Variants in SYNE2 observed in about 807,000 individuals in gnomAD.
SYNE2 encodes nesprin-2.
Under a neutral mutation model 856.3 loss-of-function variants are expected in SYNE2, and 431 were observed. The observed-to-expected ratio is 0.50, with a 90% CI of 0.47 to 0.55. SYNE2 has a LOEUF of 0.55. SYNE2 is among the 20% of genes least tolerant of loss of function. SYNE2 has a pLI of 0.00. For missense variants in SYNE2, 8,129 were observed against 8,023.2 expected (o/e 1.01, Z -0.50); for synonymous variants, 2,923 against 2,872.3 (o/e 1.02, Z -0.56).
At chr14:63,883,183 T>C (rs1312776539) in intron 1 of SYNE2, among the ~76,000 whole-genome samples, 1 of 151,980 alleles carries the variant, frequency 6.6e-6, no homozygotes, top group Non-Finnish European at 1.5e-5. Flanking sequence ...CTCAGCCTCC[T>C]GAGTAGCTGG....
intron 99 of SYNE2, among the ~76,000 whole-genome samples, chr14:64,192,065 T>TGTG (rs1482636166): frequency 6.6e-6 from 1 of 152,186 alleles, no homozygotes; most frequent in African/African-American, 2.4e-5. Flanking sequence ...ATGAGAAGAC[T>TGTG]CTTAGGTCGT....
At chr14:64,222,274 TGCAAA>T (rs1224558178) in intron 112 of SYNE2, among the ~76,000 whole-genome samples, 4 of 152,346 alleles carry the variant, frequency 2.6e-5, no homozygotes, top group African/African-American at 7.2e-5. Context: ...CTAAAATGTT[TGCAAA>T]GCAAAGCAGT....
chr14:63,962,487 A>G (rs545403419), intron 9 of SYNE2, among the ~76,000 whole-genome samples: 123 of 152,316 alleles, frequency 8.1e-4, no homozygotes, highest in Non-Finnish European at 1.6e-3. Context: ...AACCCTCACC[A>G]TCATCTAATT....
chr14:64,084,011 A>C (rs1415484249), intron 57 of SYNE2, among the ~76,000 whole-genome samples: 1 of 150,536 alleles, frequency 6.6e-6, no homozygotes, highest in Admixed American at 6.7e-5. Flanking sequence ...CGCAACCTCC[A>C]CCTCCCAGGT....
chr14:63,812,194 C>T (rs1888640662), intron 1 of SYNE2, among the ~76,000 whole-genome samples: 1 of 152,108 alleles, frequency 6.6e-6, no homozygotes, highest in Admixed American at 6.6e-5. Context: ...ATAGACCTCC[C>T]CCCAGGAATG....
intron 94 of SYNE2, among the ~76,000 whole-genome samples, chr14:64,173,373 T>C: frequency 6.6e-6 from 1 of 152,344 alleles, no homozygotes; most frequent in Middle Eastern, 3.4e-3. Flanking sequence ...GTTGGAGAGA[T>C]GCACGTGGAG....
At chr14:63,807,327 A>T (rs745983102) in intron 1 of SYNE2, among the ~76,000 whole-genome samples, 2 of 149,186 alleles carry the variant, frequency 1.3e-5, no homozygotes, top group Non-Finnish European at 3.0e-5. Flanking sequence ...GGATGACAGA[A>T]CAAGACCCTG....
intron 1 of SYNE2, among the ~76,000 whole-genome samples, chr14:63,794,428 G>A (rs1180827945): frequency 1.3e-5 from 2 of 152,076 alleles, no homozygotes; most frequent in Non-Finnish European, 2.9e-5. Context: ...GGCCTCAAAT[G>A]ATCCTCCCGC....
At chr14:64,083,098 T>C (rs1406824786) in intron 57 of SYNE2, among the ~76,000 whole-genome samples, 1 of 152,208 alleles carries the variant, frequency 6.6e-6, no homozygotes, top group Non-Finnish European at 1.5e-5. Flanking sequence ...ATCTTTGGAA[T>C]GGCACAGTGT....
At chr14:63,773,601 A>G (rs1355107691) in intron 1 of SYNE2, among the ~76,000 whole-genome samples, 1 of 152,140 alleles carries the variant, frequency 6.6e-6, no homozygotes, top group African/African-American at 2.4e-5. Context: ...CCCGTGCTAG[A>G]ATATAGTGAT....
intron 1 of SYNE2, among the ~76,000 whole-genome samples, chr14:63,799,674 CAGAG>C (rs1313506166): frequency 1.3e-5 from 2 of 152,142 alleles, no homozygotes; most frequent in African/African-American, 2.4e-5. Context: ...GCCTGGGCGA[CAGAG>C]AGAGACTCTG....
chr14:64,190,767 G>A (rs532656015), intron 99 of SYNE2: 18 of 655,362 alleles, frequency 2.7e-5, no homozygotes, highest in Admixed American at 1.3e-4. Context: ...GGATTTGGGC[G>A]CAGCCCAGTC....
Position 64,107,512 on chromosome 14 carries a change from A to G in SYNE2, c.12514A>G (p.Thr4172Ala), listed in dbSNP as rs748638060. 8 of 1,614,108 alleles carry G rather than the reference A, an allele frequency of 5.0e-6. No homozygotes were observed. Among genetic ancestry groups the G allele is most frequent in the Non-Finnish European group, 6.8e-6 (8 of 1,179,988 alleles). Residue 4172 changes from threonine to alanine, a missense_variant, in exon 65 of 116, where the codon ACC (threonine) becomes GCC (alanine). By Grantham distance (58) the Thr-to-Ala change is moderately conservative. Around this residue, in one of 3 missense-constraint regions of SYNE2, gnomAD observed 5,410 missense variants for 5,284.8 expected, o/e 1.02. Transcript: ENST00000555002. ...IVQEAYGKISTSDNSMAQILT... is the reference protein window; with the variant it reads ...IVQEAYGKISASDNSMAQILT... The stretch of plus-strand genomic sequence containing the variant: ...ACAGGAAGCATATGGGAAAATAAGC[A>G]CCTCTGATAATTCCATGGCACAAAT...
chr14:64,110,163 A>G lies in SYNE2; in HGVS notation c.12609+2556A>G, dbSNP rs144611533. On this transcript the variant is annotated intron_variant, in intron 65 of 115. Transcript: ENST00000555002. ...TAAGCAGTGGGGGAGATATGCAGGT[A>G]TTTGTAGAATTGACTGAAATATTAA... Among the ~76,000 whole-genome samples, 103 of 152,228 alleles carry G rather than the reference A, an allele frequency of 6.8e-4. 1 individual carries two copies. Among genetic ancestry groups the G allele is most frequent in the Non-Finnish European group, 1.1e-3 (76 of 68,022 alleles).
intron 85 of SYNE2, among the ~76,000 whole-genome samples, chr14:64,154,730 G>C (rs890317627): frequency 2.7e-5 from 4 of 148,710 alleles, no homozygotes; most frequent in African/African-American, 1.0e-4. Context: ...GAGGTGGAAG[G>C]AGCAGTAAGG....
Position 63,924,832 on chromosome 14 carries a change from G to GTTTTTTTTTTTTTTTTT in SYNE2, c.79+15606_79+15607insTTTTTTTTTTTTTTTTT, listed in dbSNP as rs1491139905. 4.4e-3 allele frequency among the ~76,000 whole-genome samples: 411 copies of GTTTTTTTTTTTTTTTTT among 92,852 alleles called. 152 individuals are homozygous for GTTTTTTTTTTTTTTTTT. Among genetic ancestry groups the GTTTTTTTTTTTTTTTTT allele is most frequent in the East Asian group, 0.014 (36 of 2,656 alleles). The allele number at this position is 92,852 out of a possible 152,430, so 60.9% of individuals were successfully genotyped here. On this transcript the variant is annotated intron_variant, in intron 2 of 115. Coordinates refer to ENST00000555002, the MANE Select transcript of SYNE2 (RefSeq NM_182914.3). Reference sequence around the variant, plus strand: ...TTTAACTTTTTTCCTTCCAGCCTTGGTGTTTTTTTTTTTTTTTTTTTTTTT... The same window carrying GTTTTTTTTTTTTTTTTT: ...TTTAACTTTTTTCCTTCCAGCCTTGGTTTTTTTTTTTTTTTTTTGTTTTTTTTTTTTTTTTTTTTTTT...
Position 63,950,006 on chromosome 14 carries a change from C to T in SYNE2, c.590C>T (p.Thr197Ile), listed in dbSNP as rs750805378. Residue 197 changes from threonine (T) to isoleucine (I), a missense_variant and splice_region_variant, in exon 7 of 116, where the codon ACC becomes ATC. This residue lies in a region of SYNE2 where 2,422 missense variants were observed against 2,357.4 expected (regional missense o/e 1.03). Coordinates refer to ENST00000555002, the MANE Select transcript of SYNE2 (RefSeq NM_182914.3). ...LLLWAQEQCA[T>I]YESVNVTDFK... is the part of the protein sequence containing the mutation. ...TTGTGGGCTCAGGAACAATGCGCCA[C>T]GTAAGTAGTTTGCTATGACCCTAAG... The T allele has an allele frequency of 2.5e-6, 4 of 1,613,964 alleles. No individual in the cohort carries two copies. The highest frequency in any genetic ancestry group is 1.7e-4 in the Middle Eastern group (1 of 6,026).
chr14:63,967,660 T>C lies in SYNE2; in HGVS notation c.991-49T>C, dbSNP rs1345174033. ...CCTCAAAATAACAGATTATATGATATAAATGGAATTAAACATTTTCAATCT... is the reference window on the plus strand; with the variant it reads ...CCTCAAAATAACAGATTATATGATACAAATGGAATTAAACATTTTCAATCT... On this transcript the variant is annotated intron_variant, in intron 10 of 115. Transcript: ENST00000555002. 2.5e-6 allele frequency: 4 copies of C among 1,577,102 alleles called. No individual in the cohort carries two copies. In the African/African-American group the frequency reaches 5.4e-5, roughly 21 times the overall value.
In SYNE2 at chr14:64,119,470, A is replaced by T; in HGVS notation, c.12884A>T (p.Glu4295Val). 1 of 1,614,230 alleles carries T rather than the reference A, an allele frequency of 6.2e-7. No individual in the cohort carries two copies. Among genetic ancestry groups the T allele is most frequent in the Non-Finnish European group, 8.5e-7 (1 of 1,180,036 alleles). The change falls in exon 67 of 116, where the codon GAG (glutamate) becomes GTG (valine). Residue 4295 changes from glutamate to valine, a missense_variant. Coordinates refer to ENST00000555002, the MANE Select transcript of SYNE2 (RefSeq NM_182914.3). ...EIEHKVAFLL[E>V]TCKDQGLGDN... ...GAGCACAAGGTTGCCTTTCTGTTAG[A>T]GACTTGCAAAGATCAGGGCCTGGGA...
Sources: allele counts gnomAD v4.1 joint callset (sites outside exome capture counted in the v4.1 genomes callset), GRCh38; gene constraint gnomAD v4.1.1; regional missense constraint gnomAD v4.1.1; transcripts MANE v1.5; gene names NCBI Gene and HGNC (gene_info 2026-07-23, HGNC 2026-07-21).